The following CDK18 variants were observed in gnomAD, a reference collection of about 807,000 sequenced individuals.
CDK18 encodes cyclin-dependent kinase 18.
In CDK18, 52 loss-of-function variants were observed where a neutral mutation model predicts 62.0. The observed-to-expected ratio is 0.84, with a 90% CI of 0.67 to 1.06. The LOEUF is 1.06. Among genes scored for constraint, CDK18 ranks in the 50% least tolerant of loss-of-function variants. The probability of loss-of-function intolerance (pLI) is 0.00; values close to 1 mark genes in which losing one functional copy is unlikely to be tolerated. For missense variants in CDK18, 604 were observed against 619.9 expected, an observed-to-expected ratio of 0.97 and a Z score of 0.27; for synonymous variants, 237 against 247.0, an observed-to-expected ratio of 0.96 and a Z score of 0.38.
chr1:205,511,054 C>G (rs1667544055), intron 1 of CDK18, among the ~76,000 whole-genome samples: 1 of 152,256 alleles, frequency 6.6e-6, no homozygotes, highest in Admixed American at 6.5e-5. Flanking sequence ...ATGCTGGATT[C>G]AAACACTACA....
intron 1 of CDK18, among the ~76,000 whole-genome samples, chr1:205,507,263 C>T (rs1667351002): frequency 6.6e-6 from 1 of 152,206 alleles, no homozygotes; most frequent in Non-Finnish European, 1.5e-5. Flanking sequence ...TGACCTTCCC[C>T]TCACTAGCAC....
At chr1:205,526,614 G>T in intron 7 of CDK18, 153 bp downstream of exon 7, 1 of 935,806 alleles carries the variant, frequency 1.1e-6, no homozygotes, top group Admixed American at 1.7e-5. Flanking sequence ...CCGTGCAGGA[G>T]TGGGCCAAGA....
intron 1 of CDK18, among the ~76,000 whole-genome samples, chr1:205,505,805 ACCTCC>A (rs1667277748): frequency 6.6e-6 from 1 of 151,794 alleles, no homozygotes; most frequent in African/African-American, 2.4e-5. Context: ...CTCTCTGGGC[ACCTCC>A]CGGCAGTCGG....
At chr1:205,508,498 C>A (rs917154455) in intron 1 of CDK18, among the ~76,000 whole-genome samples, 23 of 152,224 alleles carry the variant, frequency 1.5e-4, no homozygotes, top group African/African-American at 5.3e-4. Context: ...CGCATCTCCG[C>A]CAGACCTCCT....
chr1:205,530,486 C>A, intron 14 of CDK18, 137 bp downstream of exon 14: 1 of 1,186,522 alleles, frequency 8.4e-7, no homozygotes. Flanking sequence ...GCCTCCCCTG[C>A]TGGGGTTCTC....
rs2102320087 is a variant in CDK18, at chr1:205,528,777, A to G, written c.975-222A>G. ...GAAAGGGGACTTTCCTCACAGAGTG[A>G]AAGTCGCAGCTTTCCCGAGCCCAGG... On this transcript the variant is annotated intron_variant, in intron 10 of 15. Coordinates refer to ENST00000429964, the MANE Select transcript of CDK18 (RefSeq NM_212502.3). The surrounding 1 kb of genome is among the most constrained non-coding windows in gnomAD (Gnocchi z 4.2). The G allele has an allele frequency of 2.1e-6, 1 of 470,034 alleles. No individual in the cohort carries two copies. 29.1% of individuals were successfully genotyped at this position (470,034 alleles called of 1,614,324 possible).
intron 1 of CDK18, among the ~76,000 whole-genome samples, chr1:205,509,327 A>G (rs891964609): frequency 7.9e-5 from 12 of 152,146 alleles, no homozygotes; most frequent in African/African-American, 2.9e-4. Context: ...CCATTAAATA[A>G]AAGTCTTCCC....
intron 1 of CDK18, among the ~76,000 whole-genome samples, chr1:205,515,861 C>A (rs1351053000): frequency 1.3e-5 from 2 of 152,240 alleles, no homozygotes; most frequent in Non-Finnish European, 2.9e-5. Context: ...CTACTTCCTG[C>A]ATTCCAAACA....
chr1:205,519,193 G>A (rs1182367293), intron 1 of CDK18, among the ~76,000 whole-genome samples: 1 of 152,136 alleles, frequency 6.6e-6, no homozygotes, highest in Admixed American at 6.5e-5. Flanking sequence ...TAAGGTGACA[G>A]GCCTTTTTCC....
Position 205,531,809 on chromosome 1 carries a change from C to CCCCG in CDK18, c.*433_*434insCGCC, listed in dbSNP as rs976349560. 9.6e-5 allele frequency: 18 copies of CCCCG among 187,444 alleles called. No homozygotes were observed. Among genetic ancestry groups the CCCCG allele is most frequent in the African/African-American group, 3.3e-4 (14 of 42,564 alleles). The allele number at this position is 187,444 out of a possible 1,614,324, so 11.6% of individuals were successfully genotyped here. A position where few individuals can be genotyped will look rare whatever the true frequency, so the allele number is the denominator to read the frequency against. ...CAGTTTGGTAGTCCCCCTTTCTGGCCCCTTGGAGCCCACACACGTTTCATC... is the reference window on the plus strand; with the variant it reads ...CAGTTTGGTAGTCCCCCTTTCTGGCCCCCGCCTTGGAGCCCACACACGTTTCATC... On this transcript the variant is annotated 3_prime_UTR_variant, in exon 16 of 16. Coordinates refer to ENST00000429964, the MANE Select transcript of CDK18 (RefSeq NM_212502.3).
chr1:205,526,305 A>G (rs1342826416), intron 6 of CDK18, 62 bp from the exon 7 acceptor site: 22 of 1,498,518 alleles, frequency 1.5e-5, no homozygotes, highest in Non-Finnish European at 2.0e-5. Context: ...GCTGACCCCA[A>G]GAAAAGAGGG....
chr1:205,520,580 A>G (rs1043806458), intron 1 of CDK18, among the ~76,000 whole-genome samples: 5 of 151,898 alleles, frequency 3.3e-5, no homozygotes, highest in Admixed American at 6.6e-5. Flanking sequence ...CGGGCCTGTA[A>G]TCCCAGCTAC....
chr1:205,531,308 T>G, intron 15 of CDK18, 36 bp from the exon 16 acceptor site: 1 of 1,611,426 alleles, frequency 6.2e-7, no homozygotes, highest in Non-Finnish European at 8.5e-7. Flanking sequence ...CAGCCCAGCC[T>G]CCTCCCTGCA....
In CDK18 at chr1:205,526,262, G is replaced by A. The variant is rs984746875; in HGVS notation, c.571+83G>A. ...GCCTGCACCCTTGTGGGAGCTGGGG[G>A]TAGAGGATCATTGCTGGAATGGGAC... On this transcript the variant is annotated intron_variant, in intron 6 of 15. Coordinates refer to ENST00000429964, the MANE Select transcript of CDK18 (RefSeq NM_212502.3). 1.9e-5 allele frequency: 28 copies of A among 1,484,226 alleles called. No homozygotes were observed. The South Asian group carries it at 3.0e-4, about 16-fold the overall frequency. The allele number at this position is 1,484,226 out of a possible 1,614,324, so 91.9% of individuals were successfully genotyped here.
intron 4 of CDK18, among the ~76,000 whole-genome samples, chr1:205,524,663 T>G (rs1437090838): frequency 6.6e-6 from 1 of 152,230 alleles, no homozygotes; most frequent in East Asian, 1.9e-4. Context: ...CAGAGCTGTT[T>G]GGGACATCTT....
At position 205,529,446 on chromosome 1, in the gene CDK18, C is replaced by G. The variant is rs1668624599; in HGVS notation, c.1178+17C>G. ...CGCGCCCAGGTAGCCCCTGCGCCCGCCGCCCCTCCTGCTGCGGCCCTGGCT... is the reference window on the plus strand; with the variant it reads ...CGCGCCCAGGTAGCCCCTGCGCCCGGCGCCCCTCCTGCTGCGGCCCTGGCT... On this transcript the variant is annotated intron_variant, in intron 12 of 15. Transcript: ENST00000429964. 2.0e-5 allele frequency: 33 copies of G among 1,611,910 alleles called. No individual in the cohort carries two copies. The highest frequency in any genetic ancestry group is 2.8e-5 in the Non-Finnish European group (33 of 1,178,736).
rs1030666965 is a variant in CDK18, at chr1:205,516,348, G to A, written c.-21-6799G>A. Among the ~76,000 whole-genome samples the A allele has an allele frequency of 6.6e-6, 1 of 152,316 alleles. No homozygotes were observed. The highest frequency in any genetic ancestry group is 1.9e-4 in the East Asian group (1 of 5,188). Reference sequence around the variant, plus strand: ...GCAGGGGCAGGGACTGGGAGATAGGGTGTCATAGGGATCCTGGCTGGTGGT... The same window carrying A: ...GCAGGGGCAGGGACTGGGAGATAGGATGTCATAGGGATCCTGGCTGGTGGT... On this transcript the variant is annotated intron_variant, in intron 1 of 15. Coordinates refer to ENST00000429964, the MANE Select transcript of CDK18 (RefSeq NM_212502.3). The surrounding 1 kb of genome is among the most constrained non-coding windows in gnomAD (Gnocchi z 4.8).
At chr1:205,524,399 T>C (rs1433685966) in intron 4 of CDK18, 42 bp downstream of exon 4, 2 of 1,611,766 alleles carry the variant, frequency 1.2e-6, no homozygotes, top group South Asian at 1.1e-5. Context: ...TGGGGTGATA[T>C]GCCCTCCCCA....
Position 205,516,242 on chromosome 1 carries a change from C to G in CDK18, c.-21-6905C>G, listed in dbSNP as rs1473820013. Among the ~76,000 whole-genome samples, 1 of 152,176 alleles carries G rather than the reference C, an allele frequency of 6.6e-6. No individual in the cohort carries two copies. Among genetic ancestry groups the G allele is most frequent in the African/African-American group, 2.4e-5 (1 of 41,452 alleles). On this transcript the variant is annotated intron_variant, in intron 1 of 15. Coordinates refer to ENST00000429964, the MANE Select transcript of CDK18 (RefSeq NM_212502.3). This position sits in a 1 kb window ranked among gnomAD's most constrained non-coding sequence, Gnocchi z 4.8. ...AGGGAGTGTCTCTGAGGTCCTAGCT[C>G]ATGACGTCTGCAAACTTGGTCAGCC...
Sources: gnomAD v4.1 joint callset for allele counts (sites outside exome capture counted in the v4.1 genomes callset) on GRCh38, gnomAD v4.1.1 for gene constraint, Gnocchi (gnomAD v3.1) non-coding constraint, MANE v1.5 for transcripts, NCBI Gene and HGNC (gene_info 2026-07-23, HGNC 2026-07-21) for gene names.